INTS3: variants seen among roughly 807,000 people sequenced by gnomAD.
The protein encoded by INTS3 is integrator complex subunit 3.
In INTS3, 34 loss-of-function variants were observed where a neutral mutation model predicts 146.3. The ratio of observed to expected loss-of-function variants is 0.23; its 90% CI spans 0.18 to 0.31. The LOEUF (loss-of-function observed/expected upper bound fraction) is 0.31. INTS3 is among the 10% of genes least tolerant of loss of function. INTS3 has a pLI of 1.00. For synonymous variants in INTS3, 475 were observed against 494.9 expected (o/e 0.96, Z 0.53); for missense variants, 757 against 1,304.2 (o/e 0.58, Z 6.46).
intron 3 of INTS3, among the ~76,000 whole-genome samples, chr1:153,744,659 T>C (rs1416094363): frequency 6.6e-6 from 1 of 152,198 alleles, no homozygotes; most frequent in Non-Finnish European, 1.5e-5. Flanking sequence ...GAAGTGGCAA[T>C]AGCTAATCTG....
At chr1:153,756,844 A>G (rs1049523616) in intron 9 of INTS3, among the ~76,000 whole-genome samples, 16 of 152,214 alleles carry the variant, frequency 1.1e-4, no homozygotes, top group African/African-American at 3.6e-4. Flanking sequence ...TAATAATTCG[A>G]TATCTCAGTT....
At chr1:153,749,946 T>TA (rs1025224996) in intron 6 of INTS3, among the ~76,000 whole-genome samples, 3 of 152,232 alleles carry the variant, frequency 2.0e-5, no homozygotes, top group Non-Finnish European at 2.9e-5. Context: ...CCAAAAAACT[T>TA]ACATCTTTTG....
chr1:153,760,732 C>A, intron 12 of INTS3, 95 bp from the exon 13 acceptor site: 1 of 1,005,252 alleles, frequency 9.9e-7, no homozygotes, highest in Non-Finnish European at 1.6e-6. Flanking sequence ...CCCAGTGTCC[C>A]CTGATCAAAA....
chr1:153,763,929 T>C, intron 17 of INTS3, 43 bp downstream of exon 17: 1 of 1,574,738 alleles, frequency 6.4e-7, no homozygotes. Flanking sequence ...CAGCCTAGCC[T>C]GCTTAGCTTA....
intron 1 of INTS3, among the ~76,000 whole-genome samples, chr1:153,737,892 A>AT (rs1671364310): frequency 6.6e-6 from 1 of 152,138 alleles, no homozygotes. Flanking sequence ...TTGGGGGGAC[A>AT]TTTCAAATAT....
intron 11 of INTS3, 53 bp from the exon 12 acceptor site, chr1:153,760,258 A>AGT: frequency 1.2e-6 from 1 of 858,952 alleles, no homozygotes; most frequent in Non-Finnish European, 1.8e-6. Context: ...AAAAAAAAAA[A>AGT]GAGAGAGAGA....
intron 1 of INTS3, among the ~76,000 whole-genome samples, chr1:153,731,969 G>A (rs1198400116): frequency 2.2e-4 from 30 of 137,402 alleles, no homozygotes; most frequent in African/African-American, 6.7e-4. Context: ...GTGCAGTGGC[G>A]CGATCTTGGC....
chr1:153,733,110 G>A (rs1671145053), intron 1 of INTS3, among the ~76,000 whole-genome samples: 1 of 151,078 alleles, frequency 6.6e-6, no homozygotes, highest in Non-Finnish European at 1.5e-5. Context: ...TAAAGTGCTG[G>A]GATTACAGGA....
In INTS3 at chr1:153,771,891, A is replaced by G. The variant is rs765757687; in HGVS notation, c.2648A>G (p.His883Arg). The change falls in exon 26 of 30, where the codon CAT becomes CGT. Residue 883 changes from histidine to arginine, a missense_variant. Transcript: ENST00000318967. Reference protein sequence around the residue: ...TSILRHWCMKHDELLAEHIKS... With the variant: ...TSILRHWCMKRDELLAEHIKS... Reference sequence around the variant, plus strand: ...ATCCTGCGGCACTGGTGCATGAAACATGACGAGCTGCTGGCCGAGCACATC... The same window carrying G: ...ATCCTGCGGCACTGGTGCATGAAACGTGACGAGCTGCTGGCCGAGCACATC... The G allele has an allele frequency of 1.2e-6, 2 of 1,614,170 alleles. No individual in the cohort carries two copies. Among genetic ancestry groups the G allele is most frequent in the South Asian group, 2.2e-5 (2 of 91,088 alleles).
At chr1:153,771,719 G>A (rs999771379) in intron 25 of INTS3, 77 bp from the exon 26 acceptor site, 7 of 1,448,994 alleles carry the variant, frequency 4.8e-6, no homozygotes. Context: ...GCCAGGGCTT[G>A]GGAAATAAGT....
In INTS3 at chr1:153,754,646, C is replaced by T. The variant is rs1672094774; in HGVS notation, c.864C>T (p.Ile288=). The T allele has an allele frequency of 1.2e-6, 2 of 1,605,850 alleles. No individual in the cohort carries two copies. Among genetic ancestry groups the T allele is most frequent in the Non-Finnish European group, 1.7e-6 (2 of 1,172,380 alleles). Residue 288 remains isoleucine, a synonymous_variant, in exon 9 of 30, where the codon ATC becomes ATT. Transcript: ENST00000318967. ...TCCCTTCCACATTTGATTCAGGTATCCTACAGCTTCTTCAGTCAAGAACAT... is the reference window on the plus strand; with the variant it reads ...TCCCTTCCACATTTGATTCAGGTATTCTACAGCTTCTTCAGTCAAGAACAT... ...PQALSPQFTG[I]LQLLQSRTSR...
rs1344419076 is a variant in INTS3 at position 153,756,044 on chromosome 1, A to AAT, written c.957+1316_957+1317dup. Reference sequence around the variant, plus strand: ...AACAGAGTGAAACGCTGTCTCAAAAAATATATATATATTAAGTTAGTTAAA... The same window carrying AAT: ...AACAGAGTGAAACGCTGTCTCAAAAAATATATATATATATTAAGTTAGTTAAA... On this transcript the variant is annotated intron_variant, in intron 9 of 29. Coordinates refer to ENST00000318967, the MANE Select transcript of INTS3 (RefSeq NM_023015.5). Among the ~76,000 whole-genome samples the AAT allele has an allele frequency of 2.0e-5, 3 of 151,112 alleles. No individual in the cohort carries two copies. The East Asian group carries it at 5.9e-4, about 30-fold the overall frequency.
chr1:153,772,576 G>C lies in INTS3; in HGVS notation c.2822-63G>C. 1 of 1,612,790 alleles carries C rather than the reference G, an allele frequency of 6.2e-7. No homozygotes were observed. Among genetic ancestry groups the C allele is most frequent in the Non-Finnish European group, 8.5e-7 (1 of 1,179,316 alleles). ...CGGGATAAAACAACCTGTGCGTGCT[G>C]TTTAATAAGCTCCCAGACATCTGAT... is the stretch of plus-strand genomic sequence containing the variant. On this transcript the variant is annotated intron_variant, in intron 27 of 29. Coordinates refer to ENST00000318967, the MANE Select transcript of INTS3 (RefSeq NM_023015.5). The surrounding 1 kb of genome is among the most constrained non-coding windows in gnomAD (Gnocchi z 4.6).
chr1:153,745,678 G>A (rs1052729889), intron 3 of INTS3, among the ~76,000 whole-genome samples: 1 of 152,008 alleles, frequency 6.6e-6, no homozygotes, highest in Non-Finnish European at 1.5e-5. Flanking sequence ...AAACTAAGGG[G>A]GGAAGGGAAG....
intron 1 of INTS3, among the ~76,000 whole-genome samples, chr1:153,738,648 T>C (rs1284494076): frequency 6.6e-6 from 1 of 152,212 alleles, no homozygotes; most frequent in East Asian, 1.9e-4. Context: ...ATTCCTTTTG[T>C]AATTAATAAG....
Position 153,728,538 on chromosome 1 carries a change from C to T in INTS3, c.-97C>T, listed in dbSNP as rs1385722368. ...CTTGCTCTCCCCTCCCCAACTTGTTCCTCTTGCCCCCCAGTCCCTGGCAAT... is the reference window on the plus strand; with the variant it reads ...CTTGCTCTCCCCTCCCCAACTTGTTTCTCTTGCCCCCCAGTCCCTGGCAAT... On this transcript the variant is annotated 5_prime_UTR_variant, in exon 1 of 30. Transcript: ENST00000318967. 1 of 1,433,992 alleles carries T rather than the reference C, an allele frequency of 7.0e-7. No individual in the cohort carries two copies. Among genetic ancestry groups the T allele is most frequent in the Non-Finnish European group, 9.3e-7 (1 of 1,073,844 alleles). 88.8% of individuals were successfully genotyped at this position (1,433,992 alleles called of 1,614,324 possible).
Position 153,729,337 on chromosome 1 carries a change from G to T in INTS3, c.150+553G>T, listed in dbSNP as rs188252466. On this transcript the variant is annotated intron_variant, in intron 1 of 29. Transcript: ENST00000318967. Reference sequence around the variant, plus strand: ...TAGTTTGGTGGCATCAGCCACTGTAGTGGGGTGAATGGTACCTAGGGGATT... The same window carrying T: ...TAGTTTGGTGGCATCAGCCACTGTATTGGGGTGAATGGTACCTAGGGGATT... 3.8e-3 allele frequency among the ~76,000 whole-genome samples: 576 copies of T among 152,322 alleles called. 5 individuals carry two copies. The highest frequency in any genetic ancestry group is 6.8e-3 in the Middle Eastern group (2 of 294).
rs139662782 is a variant in INTS3, at chr1:153,733,604, A to T, written c.150+4820A>T. Among the ~76,000 whole-genome samples the T allele has an allele frequency of 2.3e-4, 34 of 150,294 alleles. 1 individual carries two copies. The highest frequency in any genetic ancestry group is 8.1e-4 in the African/African-American group (33 of 40,936). ...CCACTTCCCATAGGGAGCAGTATTT[A>T]CTGTATGCTTTTTTTTGTGGGGAGA... On this transcript the variant is annotated intron_variant, in intron 1 of 29. Transcript: ENST00000318967.
In INTS3 at chr1:153,732,891, C is replaced by T. The variant is rs1671132844; in HGVS notation, c.150+4107C>T. ...TCATCTCGGCTCACTGCAACCTGCA[C>T]TTCCCAGATTCAAGCGATTTTCCTG... On this transcript the variant is annotated intron_variant, in intron 1 of 29. Transcript: ENST00000318967. Among the ~76,000 whole-genome samples the T allele has an allele frequency of 2.0e-5, 3 of 151,566 alleles. No individual in the cohort carries two copies. In the South Asian group the frequency reaches 6.3e-4, roughly 32 times the overall value.
Sources: allele counts gnomAD v4.1 joint callset (sites outside exome capture counted in the v4.1 genomes callset), GRCh38; gene constraint gnomAD v4.1.1; non-coding constraint Gnocchi (gnomAD v3.1); transcripts MANE v1.5; gene names NCBI Gene and HGNC (gene_info 2026-07-23, HGNC 2026-07-21).